The following TNFRSF10D variants were observed in gnomAD, a reference collection of about 807,000 sequenced individuals.
TNFRSF10D encodes TNF receptor superfamily member 10d.
Under a neutral mutation model 42.1 loss-of-function variants are expected in TNFRSF10D, and 28 were observed. That is an observed-to-expected ratio of 0.66 (90% CI 0.49 to 0.91). The LOEUF (loss-of-function observed/expected upper bound fraction) is 0.91, where lower values mean the gene tolerates loss of function less well. Ranked by LOEUF, TNFRSF10D falls within the 40% of genes least tolerant of loss-of-function variation. TNFRSF10D has a pLI of 0.00. For synonymous variants in TNFRSF10D, 186 were observed against 189.4 expected (o/e 0.98, Z 0.15); for missense variants, 503 against 486.1 (o/e 1.03, Z -0.33).
chr8:23,145,987 G>T lies in TNFRSF10D; in HGVS notation c.483-66C>A, dbSNP rs114902952. Reference sequence around the variant, plus strand: ...AAGCTGGCCAGGTGGGATGAAAGAGGAGCCACCCTCCCTGCCCAAAGTCCC... The same window carrying T: ...AAGCTGGCCAGGTGGGATGAAAGAGTAGCCACCCTCCCTGCCCAAAGTCCC... On this transcript the variant is annotated intron_variant, in intron 4 of 8. Coordinates refer to ENST00000312584, the MANE Select transcript of TNFRSF10D (RefSeq NM_003840.5). 3.7e-6 allele frequency: 6 copies of T among 1,608,496 alleles called. No individual in the cohort carries two copies. The Admixed American group carries it at 8.3e-5, about 22-fold the overall frequency.
intron 1 of TNFRSF10D, among the ~76,000 whole-genome samples, chr8:23,158,205 C>T (rs1800307327): frequency 6.6e-6 from 1 of 152,122 alleles, no homozygotes. Flanking sequence ...TGAAACTTGC[C>T]TCTGTCTCTC....
intron 2 of TNFRSF10D, among the ~76,000 whole-genome samples, chr8:23,152,808 G>T (rs936156765): frequency 2.6e-5 from 4 of 152,184 alleles, no homozygotes; most frequent in Non-Finnish European, 5.9e-5. Flanking sequence ...GTGATCTACA[G>T]ATTCAATGCA....
At chr8:23,144,340 G>A (rs1800077862) in intron 7 of TNFRSF10D, 110 bp downstream of exon 7, 1 of 1,302,514 alleles carries the variant, frequency 7.7e-7, no homozygotes, top group East Asian at 2.4e-5. Context: ...GTCTCCCAAA[G>A]GCTCCATGTC....
At chr8:23,153,355 C>G (rs953235688) in intron 2 of TNFRSF10D, among the ~76,000 whole-genome samples, 7 of 151,954 alleles carry the variant, frequency 4.6e-5, no homozygotes, top group African/African-American at 1.7e-4. Context: ...GCAACAAAAG[C>G]AAAAATAGAC....
Position 23,136,208 on chromosome 8 carries a change from C to A in TNFRSF10D, c.*1662G>T. The A allele has an allele frequency of 4.1e-6, 1 of 242,082 alleles. No homozygotes were observed. Among genetic ancestry groups the A allele is most frequent in the African/African-American group, 2.3e-5 (1 of 43,824 alleles). The allele number at this position is 242,082 out of a possible 1,614,324, so 15.0% of individuals were successfully genotyped here. On this transcript the variant is annotated 3_prime_UTR_variant, in exon 9 of 9. Transcript: ENST00000312584. ...TGGAGAAGAGTTTGCTGGAAAGAAG[C>A]TAAAACGATTACTGAGGTTTTTAAA... is the stretch of plus-strand genomic sequence containing the variant.
Position 23,137,595 on chromosome 8 carries a change from G to T in TNFRSF10D, c.*275C>A. On this transcript the variant is annotated 3_prime_UTR_variant, in exon 9 of 9. Transcript: ENST00000312584. ...GCTGGGATTACAGGCATGAGCCACC[G>T]CATGTGGCCTAAAACGACCCTTAAT... is the stretch of plus-strand genomic sequence containing the variant. The T allele has an allele frequency of 7.1e-6, 2 of 282,854 alleles. No homozygotes were observed. The highest frequency in any genetic ancestry group is 7.1e-5 in the South Asian group (1 of 14,040). 17.5% of individuals were successfully genotyped at this position (282,854 alleles called of 1,614,324 possible).
At chr8:23,154,520 G>C (rs1800248435) in intron 2 of TNFRSF10D, among the ~76,000 whole-genome samples, 1 of 152,078 alleles carries the variant, frequency 6.6e-6, no homozygotes, top group Non-Finnish European at 1.5e-5. Flanking sequence ...TTACTGCATT[G>C]CTTTTTATCT....
intron 7 of TNFRSF10D, among the ~76,000 whole-genome samples, chr8:23,140,739 A>G (rs1200274580): frequency 6.6e-6 from 1 of 152,228 alleles, no homozygotes; most frequent in Non-Finnish European, 1.5e-5. Context: ...TATAAAGAGC[A>G]GTCCCCTGCA....
At chr8:23,149,929 G>A (rs1383560993) in intron 2 of TNFRSF10D, among the ~76,000 whole-genome samples, 1 of 152,116 alleles carries the variant, frequency 6.6e-6, no homozygotes, top group South Asian at 2.1e-4. Context: ...TTCCACGAGG[G>A]CAGGGCCTCT....
At chr8:23,156,575 C>CCTTCTTT (rs1800283575) in intron 1 of TNFRSF10D, among the ~76,000 whole-genome samples, 1 of 106,470 alleles carries the variant, frequency 9.4e-6, no homozygotes, top group African/African-American at 3.5e-5. Context: ...TTTTTTTTTT[C>CCTTCTTT]TTTTTTGGAG....
In TNFRSF10D at chr8:23,163,944, A is replaced by T; in HGVS notation, c.-9T>A. On this transcript the variant is annotated 5_prime_UTR_variant, in exon 1 of 9. Coordinates refer to ENST00000312584, the MANE Select transcript of TNFRSF10D (RefSeq NM_003840.5). ...TGTCCCCAAAGTCCCATGAGAAGGGAGGAGGGTGGATCGAAAGCGCCAAAA... is the reference window on the plus strand; with the variant it reads ...TGTCCCCAAAGTCCCATGAGAAGGGTGGAGGGTGGATCGAAAGCGCCAAAA... 6.5e-7 allele frequency: 1 copy of T among 1,545,416 alleles called. No homozygotes were observed. The highest frequency in any genetic ancestry group is 8.7e-7 in the Non-Finnish European group (1 of 1,152,032).
At chr8:23,139,476 T>C (rs375602782) in intron 7 of TNFRSF10D, among the ~76,000 whole-genome samples, 1 of 152,154 alleles carries the variant, frequency 6.6e-6, no homozygotes, top group Non-Finnish European at 1.5e-5. Flanking sequence ...ATGGAAGAGG[T>C]GTTTGCTCTT....
chr8:23,138,571 A>C (rs370579191), intron 7 of TNFRSF10D, among the ~76,000 whole-genome samples: 917 of 151,998 alleles, frequency 6.0e-3, no homozygotes, highest in African/African-American at 0.019. Context: ...TGCCCCATCT[A>C]ATCAACTCCC....
intron 7 of TNFRSF10D, among the ~76,000 whole-genome samples, chr8:23,142,597 G>C (rs1424954362): frequency 6.6e-6 from 1 of 152,142 alleles, no homozygotes; most frequent in Non-Finnish European, 1.5e-5. Context: ...GGACTACCAG[G>C]GCGGGGAGGG....
chr8:23,153,609 G>A (rs929672197), intron 2 of TNFRSF10D, among the ~76,000 whole-genome samples: 833 of 151,922 alleles, frequency 5.5e-3, no homozygotes, highest in African/African-American at 0.017. Context: ...TGGCCGACAG[G>A]TATATGAAAA....
rs940161380 is a variant in TNFRSF10D, at chr8:23,154,927, G to C, written c.203C>G (p.Thr68Arg). ...GCGCCTCTGTTGCTGTGGGGCCACT[G>C]TCTGCTGGGGAACTTCGTCCTGCCG... ...IPRQDEVPQQ[T>R]VAPQQQRRSL... Residue 68 changes from threonine to arginine, a missense_variant, in exon 2 of 9, where the codon ACA becomes AGA. Physicochemically the swap from Thr to Arg is moderately conservative, Grantham distance 71. Coordinates refer to ENST00000312584, the MANE Select transcript of TNFRSF10D (RefSeq NM_003840.5). 4 of 1,613,930 alleles carry C rather than the reference G, an allele frequency of 2.5e-6. No homozygotes were observed. In the South Asian group the frequency reaches 4.4e-5, roughly 18 times the overall value.
intron 1 of TNFRSF10D, among the ~76,000 whole-genome samples, chr8:23,160,290 G>A (rs528799031): frequency 6.6e-6 from 1 of 152,160 alleles, no homozygotes; most frequent in East Asian, 1.9e-4. Context: ...TGAGGTGAGC[G>A]CAGTGGCGGC....
intron 2 of TNFRSF10D, among the ~76,000 whole-genome samples, chr8:23,154,515 G>A (rs1800248416): frequency 6.6e-6 from 1 of 152,082 alleles, no homozygotes. Context: ...GTGCTTTACT[G>A]CATTGCTTTT....
At chr8:23,157,532 T>A (rs1481280773) in intron 1 of TNFRSF10D, among the ~76,000 whole-genome samples, 2 of 152,220 alleles carry the variant, frequency 1.3e-5, no homozygotes, top group Non-Finnish European at 2.9e-5. Context: ...GATGTTCCAC[T>A]CCTGCTCTTT....
Sources: gnomAD v4.1 joint callset for allele counts (sites outside exome capture counted in the v4.1 genomes callset) on GRCh38, gnomAD v4.1.1 for gene constraint, MANE v1.5 for transcripts, NCBI Gene and HGNC (gene_info 2026-07-23, HGNC 2026-07-21) for gene names.